Variants in SLC24A2 observed in about 807,000 individuals in gnomAD.
The protein encoded by SLC24A2 is sodium/potassium/calcium exchanger 2.
In SLC24A2, 36 loss-of-function variants were observed where a neutral mutation model predicts 62.0. That is an observed-to-expected ratio of 0.58 (90% CI 0.44 to 0.77). The LOEUF (loss-of-function observed/expected upper bound fraction) is 0.77. Ranked by LOEUF, SLC24A2 falls within the 30% of genes least tolerant of loss-of-function variation. SLC24A2 has a pLI of 0.00. For synonymous variants in SLC24A2, 358 were observed against 294.0 expected (o/e 1.22, Z -2.23); for missense variants, 846 against 817.9 (o/e 1.03, Z -0.42).
At chr9:19,979,167 G>A in the SLC24A2 span, among the ~76,000 whole-genome samples, 1 of 152,182 alleles carries the variant, frequency 6.6e-6, no homozygotes, top group Admixed American at 6.5e-5. Flanking sequence ...ATGACAGCCT[G>A]TCCTGGCTTA....
the SLC24A2 span, among the ~76,000 whole-genome samples, chr9:19,800,603 G>C: frequency 6.6e-6 from 1 of 152,074 alleles, no homozygotes; most frequent in Non-Finnish European, 1.5e-5. Flanking sequence ...GCACTTTTAT[G>C]AGGTGAGTGG....
At chr9:20,166,440 G>T in the SLC24A2 span, among the ~76,000 whole-genome samples, 1 of 151,894 alleles carries the variant, frequency 6.6e-6, no homozygotes, top group African/African-American at 2.4e-5. Context: ...ACAAACTAAA[G>T]TATATCAACA....
At chr9:19,578,624 A>C (rs576849853) in intron 5 of SLC24A2, among the ~76,000 whole-genome samples, 31 of 152,020 alleles carry the variant, frequency 2.0e-4, no homozygotes, top group African/African-American at 6.5e-4. Context: ...TTTTTTATTT[A>C]GAACCAAACC....
chr9:19,969,164 GC>G, the SLC24A2 span, among the ~76,000 whole-genome samples: 2 of 136,082 alleles, frequency 1.5e-5, no homozygotes, highest in Non-Finnish European at 3.1e-5. Flanking sequence ...CCTAACCTCT[GC>G]GTCCGCCACC....
chr9:19,686,476 T>C (rs1003622675), intron 2 of SLC24A2, among the ~76,000 whole-genome samples: 2 of 152,118 alleles, frequency 1.3e-5, no homozygotes, highest in Admixed American at 6.6e-5. Context: ...TTTGCCTATG[T>C]CCCCACCCAA....
the SLC24A2 span, among the ~76,000 whole-genome samples, chr9:20,293,899 C>T: frequency 1.3e-3 from 195 of 152,254 alleles, 4 homozygotes; most frequent in Middle Eastern, 3.4e-3. Context: ...AGTAAGCCAA[C>T]CAAGTCCTCA....
the SLC24A2 span, among the ~76,000 whole-genome samples, chr9:19,924,976 A>C: frequency 6.6e-6 from 1 of 152,326 alleles, no homozygotes; most frequent in African/African-American, 2.4e-5. Context: ...AAGTAGAGTC[A>C]ATTCTAAGGG....
the SLC24A2 span, among the ~76,000 whole-genome samples, chr9:19,833,678 A>G: frequency 9.9e-5 from 15 of 152,236 alleles, no homozygotes; most frequent in African/African-American, 3.6e-4. Flanking sequence ...AAAGACAGCA[A>G]TAACCTCTGC....
intron 2 of SLC24A2, among the ~76,000 whole-genome samples, chr9:19,710,783 C>T (rs777456875): frequency 2.0e-5 from 3 of 151,918 alleles, no homozygotes; most frequent in Non-Finnish European, 4.4e-5. Flanking sequence ...GGCCACAGGT[C>T]GAGAAAGACT....
At chr9:19,544,535 T>TAAAGAAACA (rs1189575164) in intron 8 of SLC24A2, among the ~76,000 whole-genome samples, 5 of 152,200 alleles carry the variant, frequency 3.3e-5, no homozygotes, top group African/African-American at 1.2e-4. Flanking sequence ...TGATGGTCTT[T>TAAAGAAACA]ACAATTTGGT....
chr9:19,745,518 T>G (rs1483423366), intron 2 of SLC24A2, among the ~76,000 whole-genome samples: 1 of 152,040 alleles, frequency 6.6e-6, no homozygotes. Context: ...AATCAGAAAC[T>G]CTGGGGGTAG....
intron 7 of SLC24A2, among the ~76,000 whole-genome samples, chr9:19,570,607 G>A (rs1405599357): frequency 6.6e-6 from 1 of 152,138 alleles, no homozygotes; most frequent in African/African-American, 2.4e-5. Flanking sequence ...CACCTCGAAT[G>A]GTGTTTTAAT....
chr9:19,781,179 T>C (rs191319197), intron 2 of SLC24A2, among the ~76,000 whole-genome samples: 114 of 152,232 alleles, frequency 7.5e-4, no homozygotes, highest in Non-Finnish European at 1.0e-3. Flanking sequence ...AATAAAAGGA[T>C]GGAAAAACTA....
At chr9:19,973,141 C>T in the SLC24A2 span, among the ~76,000 whole-genome samples, 2 of 152,116 alleles carry the variant, frequency 1.3e-5, no homozygotes, top group African/African-American at 4.8e-5. Flanking sequence ...TGTTTGAGGC[C>T]AGCCTGGGCA....
rs1832894681 is a variant in SLC24A2 at position 19,515,717 on chromosome 9, C to G, written c.*436G>C. 2.6e-5 allele frequency: 4 copies of G among 151,754 alleles called. No homozygotes were observed. The highest frequency in any genetic ancestry group is 9.7e-5 in the African/African-American group (4 of 41,094). The allele number at this position is 151,754 out of a possible 1,614,324, so 9.4% of individuals were successfully genotyped here. A position where few individuals can be genotyped will look rare whatever the true frequency, so the allele number is the denominator to read the frequency against. ...TTTTATATATATATATATAATTTTT[C>G]TTTGTCTTTATTTACAGGTATGTAC... On this transcript the variant is annotated 3_prime_UTR_variant, in exon 11 of 11. Transcript: ENST00000341998.
At chr9:20,173,178 C>A in the SLC24A2 span, among the ~76,000 whole-genome samples, 1 of 151,860 alleles carries the variant, frequency 6.6e-6, no homozygotes, top group Non-Finnish European at 1.5e-5. Flanking sequence ...AAGGGACATA[C>A]CTCAATTTAA....
chr9:20,195,176 G>A, the SLC24A2 span, among the ~76,000 whole-genome samples: 1 of 152,078 alleles, frequency 6.6e-6, no homozygotes. Flanking sequence ...CTATTTTACT[G>A]TTGATGGCTA....
rs1224610815 is a variant in SLC24A2 at position 19,512,992 on chromosome 9, T to C, written c.*3161A>G. Reference sequence around the variant, plus strand: ...TATGTGCATGGAACAAACAACCTTATGAAATCAGGAAGAAATGTTCCCTTT... The same window carrying C: ...TATGTGCATGGAACAAACAACCTTACGAAATCAGGAAGAAATGTTCCCTTT... On this transcript the variant is annotated 3_prime_UTR_variant, in exon 11 of 11. Coordinates refer to ENST00000341998, the MANE Select transcript of SLC24A2 (RefSeq NM_020344.4). The C allele has an allele frequency of 3.3e-5, 5 of 151,826 alleles. No homozygotes were observed. The highest frequency in any genetic ancestry group is 7.4e-5 in the Non-Finnish European group (5 of 67,990). The allele number at this position is 151,826 out of a possible 1,614,324, so 9.4% of individuals were successfully genotyped here. A position where few individuals can be genotyped will look rare whatever the true frequency, so the allele number is the denominator to read the frequency against.
chr9:20,178,374 T>C, the SLC24A2 span, among the ~76,000 whole-genome samples: 1 of 152,128 alleles, frequency 6.6e-6, no homozygotes, highest in African/African-American at 2.4e-5. Flanking sequence ...GGCTTTATTA[T>C]TACCAGCTGA....
Sources: allele counts gnomAD v4.1 joint callset (sites outside exome capture counted in the v4.1 genomes callset), GRCh38; gene constraint gnomAD v4.1.1; transcripts MANE v1.5; gene names NCBI Gene and HGNC (gene_info 2026-07-23, HGNC 2026-07-21).